DLG1: variants seen among roughly 807,000 people sequenced by gnomAD.
DLG1 encodes the protein disks large homolog 1.
In DLG1, 42 loss-of-function variants were observed where a neutral mutation model predicts 123.4. The ratio of observed to expected loss-of-function variants is 0.34; its 90% CI spans 0.27 to 0.44. The LOEUF is 0.44. Among genes scored for constraint, DLG1 ranks in the 20% least tolerant of loss-of-function variants. The pLI is 1.00. For missense variants in DLG1, 942 were observed against 1,082.6 expected (o/e 0.87, Z 1.82); for synonymous variants, 317 against 356.2 (o/e 0.89, Z 1.24).
In DLG1 at chr3:197,151,540, G is replaced by C. The variant is rs375943970; in HGVS notation, c.484-1744C>G. On this transcript the variant is annotated intron_variant, in intron 5 of 24. Coordinates refer to ENST00000667157, the MANE Select transcript of DLG1 (RefSeq NM_001366207.1). ...GAAGGTTGGGAGTAGGAGGGGTTAT[G>C]AATCAAATAGAAGTACACGAGTTGA... Among the ~76,000 whole-genome samples, 8 of 152,274 alleles carry C rather than the reference G, an allele frequency of 5.3e-5. No homozygotes were observed. In the South Asian group the frequency reaches 8.3e-4, roughly 16 times the overall value.
chr3:197,159,339 A>G (rs996830994), intron 5 of DLG1, among the ~76,000 whole-genome samples: 1 of 152,194 alleles, frequency 6.6e-6, no homozygotes, highest in Non-Finnish European at 1.5e-5. Flanking sequence ...AAGACTATAT[A>G]CTTTTTAAAA....
At chr3:197,117,037 C>T (rs551499893) in intron 12 of DLG1, among the ~76,000 whole-genome samples, 47 of 151,948 alleles carry the variant, frequency 3.1e-4, no homozygotes, top group Non-Finnish European at 6.0e-4. Context: ...AACAGTATTT[C>T]CAGGGGAAAA....
intron 4 of DLG1, among the ~76,000 whole-genome samples, chr3:197,205,407 T>C (rs1331907458): frequency 6.6e-6 from 1 of 151,984 alleles, no homozygotes; most frequent in African/African-American, 2.4e-5. Flanking sequence ...AACAAAACAT[T>C]AGCAAAAGAG....
At chr3:197,274,056 T>A (rs1237064598) in intron 4 of DLG1, among the ~76,000 whole-genome samples, 1 of 152,028 alleles carries the variant, frequency 6.6e-6, no homozygotes, top group Non-Finnish European at 1.5e-5. Flanking sequence ...TTCAATGCAA[T>A]CCCTAATAAA....
intron 3 of DLG1, among the ~76,000 whole-genome samples, chr3:197,284,647 T>C (rs1382522408): frequency 6.6e-6 from 1 of 152,170 alleles, no homozygotes; most frequent in African/African-American, 2.4e-5. Context: ...TACATTTTTA[T>C]TTACTACCCT....
intron 13 of DLG1, among the ~76,000 whole-genome samples, chr3:197,114,429 A>G (rs775814228): frequency 4.6e-5 from 7 of 152,234 alleles, no homozygotes; most frequent in Non-Finnish European, 7.3e-5. Flanking sequence ...CAGACAACAT[A>G]AAACAGTATC....
intron 4 of DLG1, among the ~76,000 whole-genome samples, chr3:197,262,987 A>T (rs1760103752): frequency 6.6e-6 from 1 of 152,140 alleles, no homozygotes. Context: ...CACCCCTGCA[A>T]TTATCATTTG....
chr3:197,066,286 G>A (rs542005654), intron 20 of DLG1, among the ~76,000 whole-genome samples: 191 of 152,202 alleles, frequency 1.3e-3, no homozygotes, highest in African/African-American at 4.4e-3. Flanking sequence ...TAGTGAGACT[G>A]AGAACTAACA....
chr3:197,081,739 A>T (rs1457635066), intron 16 of DLG1, among the ~76,000 whole-genome samples: 1 of 152,190 alleles, frequency 6.6e-6, no homozygotes, highest in African/African-American at 2.4e-5. Context: ...AAGAACTGTT[A>T]ATCTTTACCC....
chr3:197,248,992 A>G (rs1468917012), intron 4 of DLG1, among the ~76,000 whole-genome samples: 3 of 152,226 alleles, frequency 2.0e-5, no homozygotes, highest in Non-Finnish European at 2.9e-5. Flanking sequence ...AAAAAATAAA[A>G]AAATGAGAAA....
chr3:197,155,072 C>T (rs2149811541), intron 5 of DLG1, among the ~76,000 whole-genome samples: 1 of 152,202 alleles, frequency 6.6e-6, no homozygotes, highest in East Asian at 1.9e-4. Flanking sequence ...TATAAACATC[C>T]AAGAAGCTCA....
At chr3:197,253,798 T>C (rs534274838) in intron 4 of DLG1, among the ~76,000 whole-genome samples, 14 of 152,264 alleles carry the variant, frequency 9.2e-5, no homozygotes, top group Admixed American at 7.2e-4. Context: ...ATATCCTGGT[T>C]AGTGATACTA....
chr3:197,122,285 T>G (rs1279286917), intron 11 of DLG1, among the ~76,000 whole-genome samples: 1 of 152,038 alleles, frequency 6.6e-6, no homozygotes, highest in Non-Finnish European at 1.5e-5. Flanking sequence ...AAACTCCCCA[T>G]AAACCAGGAA....
rs1282287667 is a variant in DLG1 at position 197,176,017 on chromosome 3, CCTAT to C, written c.483+18404_483+18407del. Among the ~76,000 whole-genome samples, 17 of 151,982 alleles carry C rather than the reference CCTAT, an allele frequency of 1.1e-4. No homozygotes were observed. The East Asian group carries it at 1.7e-3, about 16-fold the overall frequency. On this transcript the variant is annotated intron_variant, in intron 5 of 24. Coordinates refer to ENST00000667157, the MANE Select transcript of DLG1 (RefSeq NM_001366207.1). ...TTATAGCCTGTGAAACTTCTTTTTG[CCTAT>C]CTATCCTTGACAGAAACGCCATCTA...
chr3:197,065,193 G>T, intron 22 of DLG1, 83 bp downstream of exon 22: 1 of 1,281,524 alleles, frequency 7.8e-7, no homozygotes, highest in Non-Finnish European at 1.0e-6. Flanking sequence ...ACTAATTAGT[G>T]CTGTATCTAT....
In DLG1 at chr3:197,101,534, C is replaced by T. The variant is rs534461833; in HGVS notation, c.1546+3369G>A. Among the ~76,000 whole-genome samples the T allele has an allele frequency of 3.4e-3, 520 of 152,072 alleles. 4 individuals are homozygous for T. The highest frequency in any genetic ancestry group is 5.2e-3 in the Non-Finnish European group (351 of 67,990). On this transcript the variant is annotated intron_variant, in intron 14 of 24. Transcript: ENST00000667157. ...GCGAGCAGCTGGGACTACAGGTGCC[C>T]GCCACCACGCCTGGCTAATTTTGGT...
In DLG1 at chr3:197,219,227, A is replaced by C. The variant is rs4359789; in HGVS notation, c.319-24638T>G. On this transcript the variant is annotated intron_variant, in intron 4 of 24. Coordinates refer to ENST00000667157, the MANE Select transcript of DLG1 (RefSeq NM_001366207.1). ...CTCTATTCTCAAACACATGCTCAAG[A>C]TGTTTCTTCTTTGGTAGTAGCAAAT... Among the ~76,000 whole-genome samples, 14 of 152,284 alleles carry C rather than the reference A, an allele frequency of 9.2e-5. No homozygotes were observed. In the East Asian group the frequency reaches 2.5e-3, roughly 27 times the overall value.
At chr3:197,245,669 C>T (rs1273790178) in intron 4 of DLG1, among the ~76,000 whole-genome samples, 2 of 152,104 alleles carry the variant, frequency 1.3e-5, no homozygotes, top group Non-Finnish European at 2.9e-5. Context: ...TCTGGTAACA[C>T]CCATTTACCT....
intron 4 of DLG1, among the ~76,000 whole-genome samples, chr3:197,231,706 A>AC (rs1554034960): frequency 3.3e-5 from 5 of 151,026 alleles, no homozygotes; most frequent in East Asian, 1.9e-4. Flanking sequence ...TTAAAAAAAA[A>AC]AAAACAACAA....
Sources: gnomAD v4.1 joint callset for allele counts (sites outside exome capture counted in the v4.1 genomes callset) on GRCh38, gnomAD v4.1.1 for gene constraint, MANE v1.5 for transcripts, NCBI Gene and HGNC (gene_info 2026-07-23, HGNC 2026-07-21) for gene names.